The following DZIP1 variants were observed in gnomAD, a reference collection of about 807,000 sequenced individuals.
DZIP1 encodes DAZ interacting zinc finger protein 1, also known as cilium assembly protein DZIP1.
A neutral mutation model predicts 107.6 loss-of-function variants in DZIP1; 97 were observed. The observed-to-expected ratio is 0.90, with a 90% CI of 0.77 to 1.07. The LOEUF is 1.07. DZIP1 is among the 50% of genes least tolerant of loss of function. The pLI is 0.00. For synonymous variants in DZIP1, 390 were observed against 386.4 expected (o/e 1.01, Z -0.11); for missense variants, 1,035 against 1,063.6 (o/e 0.97, Z 0.37).
chr13:95,600,060 G>A (rs1243330855), intron 14 of DZIP1, among the ~76,000 whole-genome samples: 4 of 152,144 alleles, frequency 2.6e-5, no homozygotes, highest in East Asian at 3.9e-4. Context: ...AATGGCAACC[G>A]CACTCAGGGG....
chr13:95,637,636 C>G (rs1424986988), intron 5 of DZIP1, among the ~76,000 whole-genome samples: 1 of 142,148 alleles, frequency 7.0e-6, no homozygotes, highest in African/African-American at 2.7e-5. Flanking sequence ...CTCTCTCTCT[C>G]TCTCTCTCTC....
chr13:95,603,148 C>T (rs1013698226), intron 14 of DZIP1, among the ~76,000 whole-genome samples: 1 of 151,206 alleles, frequency 6.6e-6, no homozygotes, highest in Non-Finnish European at 1.5e-5. Context: ...AATGAAATGC[C>T]GTCTATATAA....
chr13:95,593,994 T>C lies in DZIP1; in HGVS notation c.1630A>G (p.Met544Val), dbSNP rs768950944. 1.9e-6 allele frequency: 3 copies of C among 1,612,464 alleles called. No individual in the cohort carries two copies. In the African/African-American group the frequency reaches 4.0e-5, roughly 22 times the overall value. ...TTCTCCATCAAGTTCTGCTCCACCA[T>C]TGTTCTTAGTCCCTTAGTGAGGGAG... Reference protein sequence around the residue: ...NSSLTKGLRTMVEQNLMEKLE... With the variant: ...NSSLTKGLRTVVEQNLMEKLE... The change falls in exon 16 of 23, where the codon ATG (methionine) becomes GTG (valine). Residue 544 changes from methionine to valine, a missense_variant. Coordinates refer to ENST00000376829, the MANE Select transcript of DZIP1 (RefSeq NM_198968.4).
chr13:95,592,979 A>C (rs1011541606), intron 16 of DZIP1, among the ~76,000 whole-genome samples: 8 of 152,212 alleles, frequency 5.3e-5, no homozygotes, highest in Non-Finnish European at 1.2e-4. Flanking sequence ...ACTAGCAGAA[A>C]GTAAAAGAGA....
In DZIP1 at chr13:95,641,199, C is replaced by T. The variant is rs1878443351; in HGVS notation, c.597+96G>A. 1 of 1,480,738 alleles carries T rather than the reference C, an allele frequency of 6.8e-7. No individual in the cohort carries two copies. The highest frequency in any genetic ancestry group is 2.4e-5 in the Admixed American group (1 of 42,086). 91.7% of individuals were successfully genotyped at this position (1,480,738 alleles called of 1,614,324 possible). ...GTGTCTTCTGATATACAATATAAAT[C>T]TTTAAGAAGAAAGAGTGGTGATACG... On this transcript the variant is annotated intron_variant, in intron 5 of 22. Coordinates refer to ENST00000376829, the MANE Select transcript of DZIP1 (RefSeq NM_198968.4). This position sits in a 1 kb window ranked among gnomAD's most constrained non-coding sequence, Gnocchi z 4.3.
intron 22 of DZIP1, among the ~76,000 whole-genome samples, chr13:95,582,776 T>C (rs1490656311): frequency 6.6e-6 from 1 of 152,222 alleles, no homozygotes; most frequent in Non-Finnish European, 1.5e-5. Context: ...TAAAATGCCA[T>C]GATTTTGAGC....
rs773474130 is a variant in DZIP1 at position 95,599,436 on chromosome 13, G to A, written c.1478-12C>T. 1.8e-5 allele frequency: 29 copies of A among 1,607,458 alleles called. No homozygotes were observed. The Middle Eastern group carries it at 8.3e-4, about 46-fold the overall frequency. On this transcript the variant is annotated splice_polypyrimidine_tract_variant and intron_variant, in intron 14 of 22. Transcript: ENST00000376829. Reference sequence around the variant, plus strand: ...CGAGAATGCCTGTTCTATTAACAAGGAAAAATAAGAACAGTACAAACAGGA... The same window carrying A: ...CGAGAATGCCTGTTCTATTAACAAGAAAAAATAAGAACAGTACAAACAGGA...
chr13:95,608,298 T>C (rs7990355), intron 13 of DZIP1, among the ~76,000 whole-genome samples: 3,334 of 152,110 alleles, frequency 0.022, 115 homozygotes, highest in African/African-American at 0.075. Flanking sequence ...AATACAAATG[T>C]GTACATTTTA....
chr13:95,627,134 G>A (rs778726542), intron 7 of DZIP1, among the ~76,000 whole-genome samples: 7 of 152,218 alleles, frequency 4.6e-5, no homozygotes, highest in Non-Finnish European at 8.8e-5. Context: ...AGTAATCAAA[G>A]TTGTGTGATA....
rs545902255 is a variant in DZIP1 at position 95,620,208 on chromosome 13, T to G, written c.1111-261A>C. Among the ~76,000 whole-genome samples, 3 of 152,266 alleles carry G rather than the reference T, an allele frequency of 2.0e-5. No homozygotes were observed. In the East Asian group the frequency reaches 5.8e-4, roughly 29 times the overall value. ...TGAGTTCTCACAAGATCTGGTTGTT[T>G]AGAAGTGTGTAGCACTTCCCTCTTC... is the stretch of plus-strand genomic sequence containing the variant. On this transcript the variant is annotated intron_variant, in intron 9 of 22. Coordinates refer to ENST00000376829, the MANE Select transcript of DZIP1 (RefSeq NM_198968.4).
intron 5 of DZIP1, among the ~76,000 whole-genome samples, chr13:95,638,359 G>A (rs1382622827): frequency 3.3e-5 from 5 of 151,942 alleles, no homozygotes; most frequent in African/African-American, 1.2e-4. Context: ...CAAAGTGCTG[G>A]GATTACAGGT....
intron 11 of DZIP1, 133 bp downstream of exon 11, chr13:95,611,904 G>A: frequency 8.8e-7 from 1 of 1,130,334 alleles, no homozygotes; most frequent in Non-Finnish European, 1.2e-6. Context: ...ACTTTTACAA[G>A]CAATCACAAG....
chr13:95,589,701 A>G lies in DZIP1; in HGVS notation c.1973+102T>C, dbSNP rs1458518120. On this transcript the variant is annotated intron_variant, in intron 18 of 22. Coordinates refer to ENST00000376829, the MANE Select transcript of DZIP1 (RefSeq NM_198968.4). ...GACTTTCAGCCTCCAAAATGGGGAG[A>G]AAATAAATTTCTGTGAAGCCACCCA... 1.4e-5 allele frequency: 20 copies of G among 1,452,040 alleles called. No individual in the cohort carries two copies. The South Asian group carries it at 2.2e-4, about 16-fold the overall frequency. 89.9% of individuals were successfully genotyped at this position (1,452,040 alleles called of 1,614,324 possible).
chr13:95,604,560 T>G (rs1030785541), intron 14 of DZIP1, among the ~76,000 whole-genome samples: 1 of 152,322 alleles, frequency 6.6e-6, no homozygotes, highest in Admixed American at 6.5e-5. Flanking sequence ...TCTGGGCTAG[T>G]GAGGGTAGGG....
Position 95,617,257 on chromosome 13 carries a change from A to G in DZIP1, c.1173+2628T>C, listed in dbSNP as rs115303035. Reference sequence around the variant, plus strand: ...AGGCCCTTCCTGAAGCGGGAGAATGAAAGCAAGAGAGACACACTCTAGCTG... The same window carrying G: ...AGGCCCTTCCTGAAGCGGGAGAATGGAAGCAAGAGAGACACACTCTAGCTG... On this transcript the variant is annotated intron_variant, in intron 10 of 22. Coordinates refer to ENST00000376829, the MANE Select transcript of DZIP1 (RefSeq NM_198968.4). Among the ~76,000 whole-genome samples the G allele has an allele frequency of 8.2e-3, 1,245 of 152,118 alleles. 17 individuals carry two copies. Among genetic ancestry groups the G allele is most frequent in the African/African-American group, 0.028 (1,175 of 41,506 alleles).
At chr13:95,630,368 G>A (rs1158692725) in intron 6 of DZIP1, among the ~76,000 whole-genome samples, 1 of 152,070 alleles carries the variant, frequency 6.6e-6, no homozygotes, top group Non-Finnish European at 1.5e-5. Flanking sequence ...ATAGATACAT[G>A]AGAGCCCTCT....
intron 8 of DZIP1, 103 bp from the exon 9 acceptor site, chr13:95,622,583 C>A: frequency 7.4e-7 from 1 of 1,347,720 alleles, no homozygotes; most frequent in Non-Finnish European, 1.0e-6. Flanking sequence ...ATCTGACTGC[C>A]CTCTTGGACG....
Position 95,641,624 on chromosome 13 carries a change from G to T in DZIP1, c.268C>A (p.Gln90Lys), listed in dbSNP as rs376558096. ...AAGGTGATGTTCATGATGTTCTCCTGCAGCGTCAGCACGTCCACAGCCCCC... is the reference window on the plus strand; with the variant it reads ...AAGGTGATGTTCATGATGTTCTCCTTCAGCGTCAGCACGTCCACAGCCCCC... ...VAGAVDVLTLQENIMNITFCK... is the reference protein window; with the variant it reads ...VAGAVDVLTLKENIMNITFCK... The change falls in exon 5 of 23, where the codon CAG becomes AAG. Residue 90 changes from glutamine (Q) to lysine (K), a missense_variant. Gln to Lys is a moderately conservative substitution (Grantham distance 53). Transcript: ENST00000376829. This position sits in a 1 kb window ranked among gnomAD's most constrained non-coding sequence, Gnocchi z 4.3. The T allele has an allele frequency of 1.2e-6, 2 of 1,611,576 alleles. No individual in the cohort carries two copies. Among genetic ancestry groups the T allele is most frequent in the South Asian group, 1.1e-5 (1 of 91,084 alleles).
chr13:95,619,920 C>A lies in DZIP1; in HGVS notation c.1138G>T (p.Ala380Ser). Residue 380 changes from alanine (A) to serine (S), a missense_variant, in exon 10 of 23, where the codon GCT becomes TCT. Ala to Ser is a moderately conservative substitution (Grantham distance 99, BLOSUM62 1). Coordinates refer to ENST00000376829, the MANE Select transcript of DZIP1 (RefSeq NM_198968.4). ...QESKWTARVQ[A>S]IHQEHKKEKG... ...TCTTTCTTGTGTTCTTGATGAATAG[C>A]TTGAACTCGAGCTGTCCATTTGCTT... 6.2e-7 allele frequency: 1 copy of A among 1,613,832 alleles called. No individual in the cohort carries two copies. Among genetic ancestry groups the A allele is most frequent in the Non-Finnish European group, 8.5e-7 (1 of 1,179,946 alleles).
Sources: allele counts gnomAD v4.1 joint callset (sites outside exome capture counted in the v4.1 genomes callset), GRCh38; gene constraint gnomAD v4.1.1; non-coding constraint Gnocchi (gnomAD v3.1); transcripts MANE v1.5; gene names NCBI Gene and HGNC (gene_info 2026-07-23, HGNC 2026-07-21).